HOOK2: variants seen among roughly 807,000 people sequenced by gnomAD.
HOOK2 encodes hook microtubule tethering protein 2, also known as protein Hook homolog 2.
In HOOK2, 108 loss-of-function variants were observed where a neutral mutation model predicts 111.9. The ratio of observed to expected loss-of-function variants is 0.96; its 90% confidence interval spans 0.83 to 1.13. The LOEUF (loss-of-function observed/expected upper bound fraction) is 1.13, where lower values mean the gene tolerates loss of function less well. HOOK2 is among the 50% of genes most tolerant of loss of function. HOOK2 has a pLI of 0.00. For missense variants in HOOK2, 978 were observed against 951.3 expected, an observed-to-expected ratio of 1.03 and a Z score of -0.37; for synonymous variants, 405 against 394.3, an observed-to-expected ratio of 1.03 and a Z score of -0.32.
chr19:12,766,754 T>G (rs1299889153), intron 14 of HOOK2: 2 of 155,952 alleles, frequency 1.3e-5, no homozygotes, highest in Non-Finnish European at 2.8e-5. Flanking sequence ...CGGCTAATTT[T>G]TTGTATTTTT....
chr19:12,786,346 T>G lies in HOOK2; in HGVS notation n.42-12121A>C, dbSNP rs1968656250. 6.6e-6 allele frequency among the ~76,000 whole-genome samples: 1 copy of G among 151,748 alleles called. No homozygotes were observed. Among genetic ancestry groups the G allele is most frequent in the Admixed American group, 6.5e-5 (1 of 15,270 alleles). ...AGTTTCCTAGTGAGGGCCCCACTGG[T>G]CAGTGGGGCCAGCAGGGAGGGGGGT... On this transcript the variant is annotated intron_variant and non_coding_transcript_variant, in intron 3 of 3. Coordinates refer to the HOOK2 transcript ENST00000589765. This position sits in a 1 kb window ranked among gnomAD's most constrained non-coding sequence, Gnocchi z 4.3.
chr19:12,789,175 GAGAGAGAGAGAGAGAGACAA>G (rs1025802879), intron 3 of HOOK2, among the ~76,000 whole-genome samples: 5 of 145,702 alleles, frequency 3.4e-5, no homozygotes, highest in Non-Finnish European at 3.0e-5. Flanking sequence ...CTGGGAAGCT[GAGAGAGAGAGAGAGAGACAA>G]AGAGAGAGAG....
rs199536459 is a variant in HOOK2, at chr19:12,775,468, A to G, written c.-19T>C. On this transcript the variant is annotated 5_prime_UTR_variant, in exon 1 of 23. Coordinates refer to ENST00000397668, the MANE Select transcript of HOOK2 (RefSeq NM_013312.3). The stretch of plus-strand genomic sequence containing the variant: ...CGCTCATGGCTCCCGATCGGATTCA[A>G]TCCAGGCCACGGAGCCCCGGCGCCG... 293 of 1,606,598 alleles carry G rather than the reference A, an allele frequency of 1.8e-4. No homozygotes were observed. The highest frequency in any genetic ancestry group is 8.2e-4 in the Admixed American group (49 of 59,534).
chr19:12,791,483 G>C lies in HOOK2; in HGVS notation n.42-17258C>G. 2.7e-6 allele frequency: 1 copy of C among 371,350 alleles called. No homozygotes were observed. Among genetic ancestry groups the C allele is most frequent in the Non-Finnish European group, 4.9e-6 (1 of 205,560 alleles). The allele number at this position is 371,350 out of a possible 1,614,324, so 23.0% of individuals were successfully genotyped here. ...AAAGGCGTGTGGCTCAGGCTGAGCG[G>C]CTGGGACCTTGAGAGCGGCCAGGCC... On this transcript the variant is annotated intron_variant and non_coding_transcript_variant, in intron 3 of 3. Coordinates refer to the HOOK2 transcript ENST00000589765. This position sits in a 1 kb window ranked among gnomAD's most constrained non-coding sequence, Gnocchi z 7.0.
intron 12 of HOOK2, 47 bp downstream of exon 12, chr19:12,767,966 C>A (rs773077846): frequency 1.9e-6 from 3 of 1,611,154 alleles, no homozygotes; most frequent in Non-Finnish European, 2.5e-6. Context: ...AATGGGCTAC[C>A]CCAGAATTGG....
chr19:12,773,190 C>T, intron 3 of HOOK2, 146 bp from the exon 4 acceptor site: 2 of 616,760 alleles, frequency 3.2e-6, no homozygotes, highest in Non-Finnish European at 5.7e-6. Context: ...GGTGACCTGT[C>T]TGGCTGTCTG....
rs1968701764 is a variant in HOOK2, at chr19:12,790,490, C to A, written n.42-16265G>T. Among the ~76,000 whole-genome samples the A allele has an allele frequency of 1.3e-5, 2 of 152,166 alleles. No individual in the cohort carries two copies. The highest frequency in any genetic ancestry group is 2.9e-5 in the Non-Finnish European group (2 of 68,024). On this transcript the variant is annotated intron_variant and non_coding_transcript_variant, in intron 3 of 3. Coordinates refer to the HOOK2 transcript ENST00000589765. This position sits in a 1 kb window ranked among gnomAD's most constrained non-coding sequence, Gnocchi z 7.2. ...TAGGGGAGGGTTTTAGGATGGGGGA[C>A]AGAGAATACAGATGACTAAGAGGTT...
upstream of HOOK2, among the ~76,000 whole-genome samples, chr19:12,777,703 G>A (rs534858768): frequency 2.6e-5 from 4 of 152,348 alleles, no homozygotes; most frequent in East Asian, 7.7e-4. Flanking sequence ...CAGAACCCAG[G>A]ATTTGGCTGA....
rs746225073 is a variant in HOOK2, at chr19:12,765,812, G to C, written c.1605+17C>G. 11 of 1,613,378 alleles carry C rather than the reference G, an allele frequency of 6.8e-6. No homozygotes were observed. The highest frequency in any genetic ancestry group is 1.6e-4 in the Middle Eastern group (1 of 6,080). On this transcript the variant is annotated intron_variant, in intron 17 of 22. Transcript: ENST00000397668. ...GGGTGAGGGTAGGGGGTGCCATCCTGGGCCCATGGTACTTACAATGGCCTG... is the reference window on the plus strand; with the variant it reads ...GGGTGAGGGTAGGGGGTGCCATCCTCGGCCCATGGTACTTACAATGGCCTG...
upstream of HOOK2, among the ~76,000 whole-genome samples, chr19:12,777,162 ATAAAT>A (rs1968541112): frequency 1.5e-5 from 2 of 131,938 alleles, no homozygotes; most frequent in Admixed American, 7.6e-5. Context: ...CTCAAAAAAA[ATAAAT>A]AAAATAAAAT....
chr19:12,787,629 C>G (rs1233924503), intron 3 of HOOK2, among the ~76,000 whole-genome samples: 1 of 151,584 alleles, frequency 6.6e-6, no homozygotes, highest in African/African-American at 2.4e-5. Context: ...GATATTTTGT[C>G]TCAAAAAAAC....
intron 7 of HOOK2, 145 bp downstream of exon 7, chr19:12,772,045 A>C (rs1258631424): frequency 7.3e-6 from 5 of 686,414 alleles, no homozygotes; most frequent in Non-Finnish European, 1.3e-5. Flanking sequence ...CCTCCCCCTT[A>C]GGCTACCCTG....
chr19:12,777,450 A>C (rs1968549402), upstream of HOOK2, among the ~76,000 whole-genome samples: 1 of 152,254 alleles, frequency 6.6e-6, no homozygotes, highest in African/African-American at 2.4e-5. Context: ...ACTGCACTCC[A>C]GCCTGGACGT....
chr19:12,780,296 T>C (rs1250203838), upstream of HOOK2, among the ~76,000 whole-genome samples: 3 of 152,202 alleles, frequency 2.0e-5, no homozygotes, highest in East Asian at 1.9e-4. Context: ...GTTGTGTGTC[T>C]GTGTCTACTA....
intron 20 of HOOK2, 50 bp from the exon 21 acceptor site, chr19:12,763,828 T>C (rs918479846): frequency 1.7e-6 from 2 of 1,196,506 alleles, no homozygotes; most frequent in Admixed American, 1.8e-5. Flanking sequence ...TGAAACCCCC[T>C]GGGACATACT....
chr19:12,775,638 C>A (rs899437925), upstream of HOOK2: 5 of 491,596 alleles, frequency 1.0e-5, no homozygotes, highest in Non-Finnish European at 1.3e-5. Flanking sequence ...AATCTCCTCC[C>A]TACGCCCGCT....
At chr19:12,775,728 C>T (rs1968488056), upstream of HOOK2, 1 of 345,138 alleles carries the variant, frequency 2.9e-6, no homozygotes, top group Non-Finnish European at 5.2e-6. Flanking sequence ...CTGGCCCAGC[C>T]TTGTGCATCC....
intron 1 of HOOK2, chr19:12,775,187 C>A (rs79779798): frequency 1.0e-6 from 1 of 985,148 alleles, no homozygotes; most frequent in Non-Finnish European, 1.2e-6. Context: ...CCTCGCCCCA[C>A]GTGAACCAAC....
chr19:12,774,602 G>A, intron 3 of HOOK2, 67 bp downstream of exon 3: 5 of 1,451,598 alleles, frequency 3.4e-6, no homozygotes, highest in Non-Finnish European at 4.8e-6. Flanking sequence ...CAGGACATGT[G>A]CCTAGCTGGC....
Sources: gnomAD v4.1 joint callset for allele counts (sites outside exome capture counted in the v4.1 genomes callset) on GRCh38, gnomAD v4.1.1 for gene constraint, Gnocchi (gnomAD v3.1) non-coding constraint, MANE v1.5 for transcripts, NCBI Gene and HGNC (gene_info 2026-07-23, HGNC 2026-07-21) for gene names.